Variants in HIP1 observed in about 807,000 individuals in gnomAD.
The protein encoded by HIP1 is huntingtin interacting protein 1, also known as huntingtin-interacting protein 1.
In HIP1, 65 loss-of-function variants were observed where a neutral mutation model predicts 147.6. That is an observed-to-expected ratio of 0.44 (90% CI 0.36 to 0.54). The LOEUF is 0.54. Among genes scored for constraint, HIP1 ranks in the 20% least tolerant of loss-of-function variants. The pLI is 0.00. For missense variants in HIP1, 1,061 were observed against 1,299.6 expected (o/e 0.82, Z 2.82); for synonymous variants, 479 against 504.0 (o/e 0.95, Z 0.67).
intron 1 of HIP1, among the ~76,000 whole-genome samples, chr7:75,708,035 C>G (rs1043686598): frequency 6.8e-6 from 1 of 146,810 alleles, no homozygotes; most frequent in Non-Finnish European, 1.5e-5. Context: ...AGGACATAGG[C>G]GTGGGCAAGG....
intron 1 of HIP1, among the ~76,000 whole-genome samples, chr7:75,719,490 C>T (rs532933701): frequency 6.2e-5 from 9 of 146,340 alleles, no homozygotes; most frequent in African/African-American, 2.3e-4. Context: ...GGCGACAGAG[C>T]GAGACTCCAT....
At chr7:75,704,493 C>A (rs1554519480) in intron 1 of HIP1, among the ~76,000 whole-genome samples, 1 of 152,178 alleles carries the variant, frequency 6.6e-6, no homozygotes, top group Admixed American at 6.6e-5. Context: ...ATCCGCCTGC[C>A]TTGGCCTCCC....
At chr7:75,561,178 T>G (rs1795216802) in intron 13 of HIP1, 151 bp downstream of exon 13, 2 of 704,282 alleles carry the variant, frequency 2.8e-6, no homozygotes, top group Non-Finnish European at 5.2e-6. Context: ...GGTCTCGAAC[T>G]CCCGACCTCA....
At chr7:75,631,135 T>A (rs1375504387) in intron 1 of HIP1, among the ~76,000 whole-genome samples, 9 of 144,978 alleles carry the variant, frequency 6.2e-5, no homozygotes, top group African/African-American at 2.2e-4. Flanking sequence ...TAATTTGTTT[T>A]TTAAATTTTT....
intron 13 of HIP1, among the ~76,000 whole-genome samples, chr7:75,560,263 A>G (rs1584798261): frequency 2.0e-5 from 3 of 149,474 alleles, no homozygotes; most frequent in South Asian, 2.1e-4. Flanking sequence ...CGGTTGGGGG[A>G]GGGGAGGGAC....
intron 6 of HIP1, 111 bp from the exon 7 acceptor site, chr7:75,581,409 G>T: frequency 1.4e-6 from 1 of 735,194 alleles, no homozygotes; most frequent in Non-Finnish European, 2.4e-6. Context: ...ATGTGCATGC[G>T]CAAACACACA....
chr7:75,705,458 C>G (rs1286629602), intron 1 of HIP1, among the ~76,000 whole-genome samples: 1 of 151,744 alleles, frequency 6.6e-6, no homozygotes, highest in East Asian at 1.9e-4. Context: ...ACCTCCGCCT[C>G]CCGAGTTCAA....
rs1167490098 is a variant in HIP1 at position 75,607,653 on chromosome 7, T to G, written c.121-8406A>C. 2.8e-4 allele frequency among the ~76,000 whole-genome samples: 42 copies of G among 151,638 alleles called. 1 individual carries two copies. The highest frequency in any genetic ancestry group is 2.9e-5 in the Non-Finnish European group (2 of 67,956). Reference sequence around the variant, plus strand: ...CTTGAGCCCAGGAGTTTGAAGCTGCTGTGAGCCATGATCACGCCACTGCAC... The same window carrying G: ...CTTGAGCCCAGGAGTTTGAAGCTGCGGTGAGCCATGATCACGCCACTGCAC... On this transcript the variant is annotated intron_variant, in intron 1 of 30. Coordinates refer to ENST00000336926, the MANE Select transcript of HIP1 (RefSeq NM_005338.7).
intron 2 of HIP1, among the ~76,000 whole-genome samples, chr7:75,598,855 C>T (rs1448394600): frequency 2.0e-5 from 3 of 151,440 alleles, no homozygotes; most frequent in Non-Finnish European, 4.4e-5. Flanking sequence ...GCTATGATCA[C>T]GCCATTGCAC....
chr7:75,573,530 TC>T (rs1554497061), intron 8 of HIP1, among the ~76,000 whole-genome samples: 3 of 152,124 alleles, frequency 2.0e-5, no homozygotes, highest in Non-Finnish European at 1.5e-5. Context: ...ACCCCAAAGA[TC>T]CTGTAACACT....
intron 1 of HIP1, among the ~76,000 whole-genome samples, chr7:75,694,354 C>T (rs1800561370): frequency 6.6e-6 from 1 of 152,098 alleles, no homozygotes; most frequent in African/African-American, 2.4e-5. Context: ...GCTGGGCATG[C>T]GTGGTCGGCA....
chr7:75,592,340 C>T lies in HIP1; in HGVS notation c.327+32G>A, dbSNP rs10274186. The stretch of plus-strand genomic sequence containing the variant: ...TCACTTTCCCCACAAGGATCCCTGG[C>T]TCCCTGCCACCCCATAGCCCCAGGA... On this transcript the variant is annotated intron_variant, in intron 3 of 30. Transcript: ENST00000336926. 3,222 of 1,584,150 alleles carry T rather than the reference C, an allele frequency of 2.0e-3. 59 individuals are homozygous for T. The African/African-American group carries it at 0.04, about 20-fold the overall frequency.
rs562420848 is a variant in HIP1 at position 75,722,289 on chromosome 7, G to A, written c.120+16512C>T. ...TATGCCACTGCACTCCAGCCTGGAC[G>A]ACATAGTGAGACCCTGTCTCTAAAA... On this transcript the variant is annotated intron_variant, in intron 1 of 30. Transcript: ENST00000336926. Among the ~76,000 whole-genome samples, 333 of 152,236 alleles carry A rather than the reference G, an allele frequency of 2.2e-3. 1 individual carries two copies. The highest frequency in any genetic ancestry group is 3.7e-3 in the Non-Finnish European group (254 of 68,008).
chr7:75,575,699 G>A (rs1024769745), intron 7 of HIP1, among the ~76,000 whole-genome samples: 12 of 152,008 alleles, frequency 7.9e-5, no homozygotes, highest in Non-Finnish European at 4.4e-5. Flanking sequence ...CTGGCCGTCT[G>A]GCTGCAGACA....
At chr7:75,732,263 A>G (rs531860869) in intron 1 of HIP1, among the ~76,000 whole-genome samples, 7 of 152,226 alleles carry the variant, frequency 4.6e-5, no homozygotes, top group African/African-American at 1.7e-4. Flanking sequence ...ATTTGTTTCT[A>G]TCTCTTTCTC....
At chr7:75,705,151 C>T (rs1800948507) in intron 1 of HIP1, among the ~76,000 whole-genome samples, 1 of 152,100 alleles carries the variant, frequency 6.6e-6, no homozygotes, top group African/African-American at 2.4e-5. Context: ...AACTGAAACT[C>T]TATCCTATTA....
intron 22 of HIP1, among the ~76,000 whole-genome samples, chr7:75,549,555 G>C (rs1166582005): frequency 6.6e-6 from 1 of 151,346 alleles, no homozygotes. Context: ...ATTTTTAGTA[G>C]AGATGGGTTT....
Position 75,599,205 on chromosome 7 carries a change from C to G in HIP1, c.163G>C (p.Val55Leu). ...NKAINTQEVAVKEKHARTCIL... is the reference protein window; with the variant it reads ...NKAINTQEVALKEKHARTCIL... Reference sequence around the variant, plus strand: ...ATATTTCTGGCGTGTTTTTCCTTTACAGCCACTTCCTGCGTATTAATGGCC... The same window carrying G: ...ATATTTCTGGCGTGTTTTTCCTTTAGAGCCACTTCCTGCGTATTAATGGCC... The change falls in exon 2 of 31, where the codon GTA becomes CTA. Residue 55 changes from valine to leucine, a missense_variant. By Grantham distance (32) the Val-to-Leu change is conservative (BLOSUM62 1). Around this residue, in one of 3 missense-constraint regions of HIP1, gnomAD observed 225 missense variants for 292.9 expected, o/e 0.77. Transcript: ENST00000336926. The G allele has an allele frequency of 6.2e-7, 1 of 1,613,196 alleles. No homozygotes were observed. Among genetic ancestry groups the G allele is most frequent in the Non-Finnish European group, 8.5e-7 (1 of 1,179,164 alleles).
intron 1 of HIP1, among the ~76,000 whole-genome samples, chr7:75,703,311 G>A (rs549758852): frequency 1.3e-5 from 2 of 152,034 alleles, no homozygotes; most frequent in East Asian, 1.9e-4. Flanking sequence ...TCATGCCACT[G>A]CACTCCAGCC....
Sources: allele counts gnomAD v4.1 joint callset (sites outside exome capture counted in the v4.1 genomes callset), GRCh38; gene constraint gnomAD v4.1.1; regional missense constraint gnomAD v4.1.1; transcripts MANE v1.5; gene names NCBI Gene and HGNC (gene_info 2026-07-23, HGNC 2026-07-21).